Variants in RFX2 observed in about 807,000 individuals in gnomAD.
The protein encoded by RFX2 is regulatory factor X2.
A neutral mutation model predicts 87.8 loss-of-function variants in RFX2; 20 were observed. The ratio of observed to expected loss-of-function variants is 0.23; its 90% CI spans 0.16 to 0.33. RFX2 has a LOEUF of 0.33. Ranked by LOEUF, RFX2 falls within the 10% of genes least tolerant of loss-of-function variation. The pLI, the probability that RFX2 is intolerant of heterozygous loss-of-function variation, is 1.00. For missense variants in RFX2, 767 were observed against 1,012.3 expected, an observed-to-expected ratio of 0.76 and a Z score of 3.29; for synonymous variants, 397 against 431.3, an observed-to-expected ratio of 0.92 and a Z score of 0.98.
rs1375139922 is a variant in RFX2, at chr19:6,016,947, C to T, written c.598-676G>A. Among the ~76,000 whole-genome samples, 1 of 152,184 alleles carries T rather than the reference C, an allele frequency of 6.6e-6. No homozygotes were observed. Among genetic ancestry groups the T allele is most frequent in the African/African-American group, 2.4e-5 (1 of 41,440 alleles). On this transcript the variant is annotated intron_variant, in intron 6 of 17. Coordinates refer to ENST00000303657, the MANE Select transcript of RFX2 (RefSeq NM_000635.4). This position sits in a 1 kb window ranked among gnomAD's most constrained non-coding sequence, Gnocchi z 5.4. ...AATGGAGAGAAATTCTGTTGCTGAA[C>T]AGGAAGATTGAAGAAGACTCGGGGG...
At position 6,012,525 on chromosome 19, in the gene RFX2, C is replaced by G. The variant is rs568523781; in HGVS notation, c.899+461G>C. On this transcript the variant is annotated intron_variant, in intron 8 of 17. Transcript: ENST00000303657. This position sits in a 1 kb window ranked among gnomAD's most constrained non-coding sequence, Gnocchi z 4.6. The stretch of plus-strand genomic sequence containing the variant: ...GTCATTATAGGTTTGTCCAAACTGT[C>G]GAATGTACAACACCAAGAGTGAGCC... Among the ~76,000 whole-genome samples the G allele has an allele frequency of 6.6e-6, 1 of 151,948 alleles. No homozygotes were observed. The highest frequency in any genetic ancestry group is 1.5e-5 in the Non-Finnish European group (1 of 67,992).
intron 1 of RFX2, among the ~76,000 whole-genome samples, chr19:6,059,652 T>C (rs7247400): frequency 0.036 from 5,434 of 152,154 alleles, 342 homozygotes; most frequent in African/African-American, 0.12. Context: ...GGAGTGGACA[T>C]GAGAGTGTCA....
intron 1 of RFX2, among the ~76,000 whole-genome samples, chr19:6,089,398 G>C (rs1292094218): frequency 6.6e-6 from 1 of 152,126 alleles, no homozygotes; most frequent in African/African-American, 2.4e-5. Context: ...ACAGGGAAGG[G>C]GGAGGCCAGC....
At chr19:6,062,253 A>G (rs759403832) in intron 1 of RFX2, among the ~76,000 whole-genome samples, 5 of 152,254 alleles carry the variant, frequency 3.3e-5, no homozygotes, top group Non-Finnish European at 5.9e-5. Flanking sequence ...CAAGGACAAC[A>G]GCAGCGGCAG....
At position 6,007,606 on chromosome 19, in the gene RFX2, G is replaced by A; in HGVS notation, c.1247+84C>T. 3 of 773,882 alleles carry A rather than the reference G, an allele frequency of 3.9e-6. No individual in the cohort carries two copies. Among genetic ancestry groups the A allele is most frequent in the South Asian group, 3.1e-5 (2 of 64,762 alleles). 47.9% of individuals were successfully genotyped at this position (773,882 alleles called of 1,614,324 possible). A position where few individuals can be genotyped will look rare whatever the true frequency, so the allele number is the denominator to read the frequency against. ...GAACCCTGATTCTTGGAGAGCTGAGGCTTTCGTTTGTGGGTTACCTGTGGA... is the reference window on the plus strand; with the variant it reads ...GAACCCTGATTCTTGGAGAGCTGAGACTTTCGTTTGTGGGTTACCTGTGGA... On this transcript the variant is annotated intron_variant, in intron 11 of 17. Transcript: ENST00000303657. This position sits in a 1 kb window ranked among gnomAD's most constrained non-coding sequence, Gnocchi z 8.2.
At chr19:6,099,305 C>T (rs1371136406) in intron 1 of RFX2, among the ~76,000 whole-genome samples, 2 of 152,160 alleles carry the variant, frequency 1.3e-5, no homozygotes, top group Non-Finnish European at 2.9e-5. Flanking sequence ...AAAACCCCTC[C>T]CCGCTCCCCG....
At chr19:6,003,593 A>G (rs889134091) in intron 13 of RFX2, among the ~76,000 whole-genome samples, 17 of 152,000 alleles carry the variant, frequency 1.1e-4, no homozygotes, top group Admixed American at 4.6e-4. Context: ...CCTGGCCAAC[A>G]TGGCGAAACC....
intron 1 of RFX2, among the ~76,000 whole-genome samples, chr19:6,096,440 GTTTTGTTTTGTTTT>G (rs1186519014): frequency 3.8e-4 from 50 of 130,882 alleles, no homozygotes; most frequent in Non-Finnish European, 6.4e-4. Context: ...TTTTTGTTTT[GTTTTGTTTTGTTTT>G]GTTTTGTTTT....
chr19:6,077,964 G>A (rs1371772546), intron 1 of RFX2: 1 of 123,322 alleles, frequency 8.1e-6, no homozygotes, highest in Admixed American at 9.8e-5. Flanking sequence ...TGGGCAACAA[G>A]AGCAAAATTC....
In RFX2 at chr19:6,042,029, G is replaced by A. The variant is rs751167205; in HGVS notation, c.260+15C>T. 7.4e-6 allele frequency: 12 copies of A among 1,611,358 alleles called. No homozygotes were observed. The highest frequency in any genetic ancestry group is 1.6e-4 in the Middle Eastern group (1 of 6,066). Reference sequence around the variant, plus strand: ...GGAGAGGGTTCCGGGTGTGGCCCGCGGGAGAAGCACGCACATGGCTCCATT... The same window carrying A: ...GGAGAGGGTTCCGGGTGTGGCCCGCAGGAGAAGCACGCACATGGCTCCATT... On this transcript the variant is annotated intron_variant, in intron 4 of 17. Transcript: ENST00000303657.
chr19:6,084,518 C>T (rs2087828825), intron 1 of RFX2, among the ~76,000 whole-genome samples: 1 of 152,136 alleles, frequency 6.6e-6, no homozygotes, highest in Non-Finnish European at 1.5e-5. Context: ...AACACTCACT[C>T]CCTACCCCCT....
At position 6,044,170 on chromosome 19, in the gene RFX2, G is replaced by A. The variant is rs1323603296; in HGVS notation, c.180+23C>T. ...GTGCTAACTGCGCCCCGGTTTGCAC[G>A]GTGCTGCGGTGCTTGTCATTACCTG... is the stretch of plus-strand genomic sequence containing the variant. On this transcript the variant is annotated intron_variant, in intron 3 of 17. Transcript: ENST00000303657. This position sits in a 1 kb window ranked among gnomAD's most constrained non-coding sequence, Gnocchi z 5.3. 7.1e-6 allele frequency: 10 copies of A among 1,399,708 alleles called. No individual in the cohort carries two copies. The highest frequency in any genetic ancestry group is 4.4e-5 in the African/African-American group (3 of 67,714). 86.7% of individuals were successfully genotyped at this position (1,399,708 alleles called of 1,614,324 possible).
chr19:6,008,001 C>A, intron 10 of RFX2, 105 bp downstream of exon 10: 1 of 893,656 alleles, frequency 1.1e-6, no homozygotes, highest in Non-Finnish European at 1.8e-6. Context: ...TGTTGGGGGG[C>A]TCGGGGCTCC....
At chr19:6,014,473 A>G (rs1379724190) in intron 7 of RFX2, among the ~76,000 whole-genome samples, 1 of 152,114 alleles carries the variant, frequency 6.6e-6, no homozygotes, top group African/African-American at 2.4e-5. Context: ...TCCTGACCTC[A>G]AGTGATCCTC....
At chr19:6,079,989 A>G (rs905955467) in intron 1 of RFX2, among the ~76,000 whole-genome samples, 1 of 152,020 alleles carries the variant, frequency 6.6e-6, no homozygotes, top group Non-Finnish European at 1.5e-5. Flanking sequence ...TTAAAAAAAA[A>G]AAAAGAAAAA....
At position 6,008,190 on chromosome 19, in the gene RFX2, G is replaced by A. The variant is rs753777028; in HGVS notation, c.1050C>T (p.Pro350=). The change falls in exon 10 of 18, where the codon CCC becomes CCT. Residue 350 remains proline (P), a synonymous_variant. Transcript: ENST00000303657. ...CCTGCAGCAGGAAGCTGCCCAGGTC[G>A]GGCGCTGGGAACTCGGGGAAGACGT... ...VSHVFPEFPA[P]DLGSFLLQDG... The A allele has an allele frequency of 9.0e-6, 14 of 1,560,750 alleles. No individual in the cohort carries two copies. Among genetic ancestry groups the A allele is most frequent in the East Asian group, 2.3e-5 (1 of 43,274 alleles).
At chr19:6,042,235 G>T in intron 3 of RFX2, 112 bp from the exon 4 acceptor site, 1 of 931,894 alleles carries the variant, frequency 1.1e-6, no homozygotes, top group South Asian at 1.3e-5. Flanking sequence ...AGTACCAAAT[G>T]ACAATGTTCC....
intron 1 of RFX2, among the ~76,000 whole-genome samples, chr19:6,058,140 C>T (rs1020888975): frequency 3.9e-5 from 6 of 152,206 alleles, no homozygotes; most frequent in African/African-American, 1.4e-4. Flanking sequence ...TGTGTCCCCA[C>T]TTGGCACTGT....
Position 6,044,075 on chromosome 19 carries a change from T to G in RFX2, c.180+118A>C. On this transcript the variant is annotated intron_variant, in intron 3 of 17. Coordinates refer to ENST00000303657, the MANE Select transcript of RFX2 (RefSeq NM_000635.4). The surrounding 1 kb of genome is among the most constrained non-coding windows in gnomAD (Gnocchi z 5.3). ...TGGAAAAGTCTTTTGGCTAAGAAAC[T>G]GAAGCTTACAACAAGGAACAGCAGC... 1 of 516,116 alleles carries G rather than the reference T, an allele frequency of 1.9e-6. No homozygotes were observed. Among genetic ancestry groups the G allele is most frequent in the African/African-American group, 2.0e-5 (1 of 50,510 alleles). 32.0% of individuals were successfully genotyped at this position (516,116 alleles called of 1,614,324 possible).
Sources: allele counts gnomAD v4.1 joint callset (sites outside exome capture counted in the v4.1 genomes callset), GRCh38; gene constraint gnomAD v4.1.1; non-coding constraint Gnocchi (gnomAD v3.1); transcripts MANE v1.5; gene names NCBI Gene and HGNC (gene_info 2026-07-23, HGNC 2026-07-21).